Variants in GK observed in about 807,000 individuals in gnomAD.
The protein encoded by GK is glycerol kinase, also known as ATP:glycerol 3-phosphotransferase.
Under a neutral mutation model 56.4 loss-of-function variants are expected in GK, and 9 were observed. That is an observed-to-expected ratio of 0.16 (90% CI 0.10 to 0.28). The LOEUF is 0.28. GK is among the 10% of genes least tolerant of loss of function. The pLI is 1.00. For missense variants in GK, 161 were observed against 431.4 expected, an observed-to-expected ratio of 0.37 and a Z score of 5.55; for synonymous variants, 104 against 144.1, an observed-to-expected ratio of 0.72 and a Z score of 1.99.
At chrX:30,662,828 TC>T (rs1932813774) in intron 1 of GK, among the ~76,000 whole-genome samples, 1 of 10,626 alleles carries the variant, frequency 9.4e-5, no homozygotes, top group Non-Finnish European at 2.1e-4. Flanking sequence ...TCTCTCTCTC[TC>T]TCTCTTTCTT....
At chrX:30,724,835 G>A (rs183401449) in intron 19 of GK, among the ~76,000 whole-genome samples, 151 of 111,099 alleles carry the variant, frequency 1.4e-3, no homozygotes, top group Non-Finnish European at 2.3e-3. Flanking sequence ...AATGCAAGAT[G>A]TGGAGCATAA....
chrX:30,688,434 G>T, intron 4 of GK, among the ~76,000 whole-genome samples: 1 of 105,043 alleles, frequency 9.5e-6, no homozygotes, highest in East Asian at 3.0e-4. Flanking sequence ...CCCGGGAGGC[G>T]GAGGCTGCAG....
rs1386770086 is a variant in GK, at chrX:30,730,508, A to C, written c.*1766A>C. On this transcript the variant is annotated 3_prime_UTR_variant, in exon 21 of 21. Coordinates refer to ENST00000427190, the MANE Select transcript of GK (RefSeq NM_001205019.2). ...ACTGTTCAAATAATTTTAAGATTACATTAATTTTTCTATAAATTGGAAGAT... is the reference window on the plus strand; with the variant it reads ...ACTGTTCAAATAATTTTAAGATTACCTTAATTTTTCTATAAATTGGAAGAT... 8.9e-6 allele frequency: 1 copy of C among 112,497 alleles called. No homozygotes were observed. The highest frequency in any genetic ancestry group is 3.2e-5 in the African/African-American group (1 of 30,996). The allele number at this position is 112,497 out of a possible 1,213,427, so 9.3% of individuals were successfully genotyped here. A position where few individuals can be genotyped will look rare whatever the true frequency, so the allele number is the denominator to read the frequency against.
At chrX:30,695,908 C>T in intron 6 of GK, 134 bp from the exon 7 acceptor site, 1 of 495,496 alleles carries the variant, frequency 2.0e-6, no homozygotes, top group Non-Finnish European at 3.7e-6. Flanking sequence ...AGACTTAGTA[C>T]AGAAAAAAGA....
At position 30,728,724 on chromosome X, in the gene GK, C is replaced by T. The variant is rs1352693738; in HGVS notation, c.1670-8C>T. On this transcript the variant is annotated splice_region_variant and splice_polypyrimidine_tract_variant and intron_variant, in intron 20 of 20. Transcript: ENST00000427190. Reference sequence around the variant, plus strand: ...ATTGACATATATGGTTTTTGTTCCCCATTTCAGGTATTCCATAAAACCTAC... The same window carrying T: ...ATTGACATATATGGTTTTTGTTCCCTATTTCAGGTATTCCATAAAACCTAC... 8.7e-6 allele frequency: 10 copies of T among 1,152,354 alleles called. No homozygotes were observed. In the South Asian group the frequency reaches 1.8e-4, roughly 21 times the overall value. The allele number at this position is 1,152,354 out of a possible 1,213,427, so 95.0% of individuals were successfully genotyped here.
At chrX:30,699,249 A>T (rs375233104) in intron 9 of GK, among the ~76,000 whole-genome samples, 1 of 99,999 alleles carries the variant, frequency 1.0e-5, no homozygotes, top group East Asian at 3.1e-4. Context: ...ATAACATGTT[A>T]TATATACATG....
intron 18 of GK, chrX:30,721,320 C>G (rs1936889764): frequency 4.0e-6 from 1 of 251,427 alleles, no homozygotes; most frequent in South Asian, 4.5e-5. Flanking sequence ...GAGACGGAGT[C>G]TCACTTTGTT....
intron 4 of GK, among the ~76,000 whole-genome samples, chrX:30,688,036 T>C (rs1934716845): frequency 8.9e-6 from 1 of 112,025 alleles, no homozygotes; most frequent in Admixed American, 9.5e-5. Flanking sequence ...AGAAAGACTT[T>C]AGAGACCATC....
At chrX:30,707,659 A>AG in intron 12 of GK, 61 bp downstream of exon 12, 1 of 631,649 alleles carries the variant, frequency 1.6e-6, no homozygotes, top group Non-Finnish European at 2.6e-6. Context: ...TAATGCTTGA[A>AG]CATAATTTAC....
chrX:30,724,969 CT>C (rs1479917132), intron 19 of GK, among the ~76,000 whole-genome samples: 2 of 110,106 alleles, frequency 1.8e-5, no homozygotes, highest in Non-Finnish European at 3.8e-5. Flanking sequence ...CAACCTCCGC[CT>C]CCTGGGTTTA....
chrX:30,700,777 TA>T, intron 10 of GK, 60 bp from the exon 11 acceptor site: 1 of 772,519 alleles, frequency 1.3e-6, no homozygotes, highest in Non-Finnish European at 2.0e-6. Context: ...ATGGCTCTTC[TA>T]AAAAGAAAGT....
chrX:30,719,745 G>A (rs1420997910), intron 15 of GK, among the ~76,000 whole-genome samples: 1 of 112,163 alleles, frequency 8.9e-6, no homozygotes, highest in Non-Finnish European at 1.9e-5. Context: ...CATGATGTCT[G>A]TAAGTTGTAT....
intron 1 of GK, 85 bp downstream of exon 1, chrX:30,653,700 G>A (rs1932013468): frequency 8.0e-6 from 7 of 876,879 alleles, no homozygotes; most frequent in Non-Finnish European, 1.0e-5. Context: ...TCCCCATCCC[G>A]CATCTCTCCG....
At chrX:30,717,108 C>A (rs1410497498) in intron 13 of GK, among the ~76,000 whole-genome samples, 1 of 111,636 alleles carries the variant, frequency 9.0e-6, no homozygotes, top group Non-Finnish European at 1.9e-5. Flanking sequence ...CAACTGACAA[C>A]AAGAAGGCAT....
At chrX:30,721,508 G>A (rs188521931) in intron 18 of GK, 173 of 116,641 alleles carry the variant, frequency 1.5e-3, no homozygotes, top group African/African-American at 5.9e-3. Flanking sequence ...ATTTCACCGC[G>A]TTAGCCAGGA....
chrX:30,684,193 A>G (rs1168439336), intron 4 of GK, among the ~76,000 whole-genome samples: 3 of 112,166 alleles, frequency 2.7e-5, no homozygotes, highest in Non-Finnish European at 5.6e-5. Flanking sequence ...CACACATTTT[A>G]CTGATGCTAC....
intron 1 of GK, among the ~76,000 whole-genome samples, chrX:30,658,558 C>T (rs1429720603): frequency 8.9e-6 from 1 of 112,357 alleles, no homozygotes; most frequent in African/African-American, 3.2e-5. Context: ...CCTCATGATC[C>T]GCCTGCCTTG....
At chrX:30,706,894 C>A (rs1483452436) in intron 11 of GK, among the ~76,000 whole-genome samples, 1 of 112,004 alleles carries the variant, frequency 8.9e-6, no homozygotes, top group African/African-American at 3.2e-5. Context: ...GGCTGTCAGT[C>A]ATGATGCTTC....
rs778620335 is a variant in GK, at chrX:30,653,576, G to T, written c.39G>T (p.Val13=). Residue 13 remains valine, a synonymous_variant, in exon 1 of 21, where the codon GTG becomes GTT. Transcript: ENST00000427190. The part of the protein sequence containing the change: ...ASKKAVLGPL[V]GAVDQGTSST... ...AGAAGGCAGTTTTGGGGCCATTGGT[G>T]GGGGCGGTGGACCAGGGCACCAGTT... is the stretch of plus-strand genomic sequence containing the variant. 5.0e-6 allele frequency: 6 copies of T among 1,211,217 alleles called. No homozygotes were observed. The highest frequency in any genetic ancestry group is 4.5e-6 in the Non-Finnish European group (4 of 894,633).
Sources: allele counts gnomAD v4.1 joint callset (sites outside exome capture counted in the v4.1 genomes callset), GRCh38; gene constraint gnomAD v4.1.1; transcripts MANE v1.5; gene names NCBI Gene and HGNC (gene_info 2026-07-23, HGNC 2026-07-21).